Variants in PTPRG observed in about 807,000 individuals in gnomAD.
PTPRG encodes protein tyrosine phosphatase receptor type G, also known as receptor-type tyrosine-protein phosphatase gamma.
In PTPRG, 102 loss-of-function variants were observed where a neutral mutation model predicts 165.3. The observed-to-expected ratio is 0.62, with a 90% CI of 0.53 to 0.73. The LOEUF (loss-of-function observed/expected upper bound fraction) is 0.73, where lower values mean the gene tolerates loss of function less well. Among genes scored for constraint, PTPRG ranks in the 30% least tolerant of loss-of-function variants. PTPRG has a pLI of 0.00. For synonymous variants in PTPRG, 675 were observed against 669.5 expected (o/e 1.01, Z -0.13); for missense variants, 1,866 against 1,861.4 (o/e 1.00, Z -0.05).
At chr3:61,915,846 C>G (rs2038922951) in intron 2 of PTPRG, among the ~76,000 whole-genome samples, 1 of 152,168 alleles carries the variant, frequency 6.6e-6, no homozygotes, top group Non-Finnish European at 1.5e-5. Context: ...AACCTGAATA[C>G]TATAGGAAAT....
intron 8 of PTPRG, among the ~76,000 whole-genome samples, chr3:62,184,555 A>G (rs941845743): frequency 4.6e-5 from 7 of 152,184 alleles, no homozygotes; most frequent in African/African-American, 1.7e-4. Flanking sequence ...AGTCTAAGGC[A>G]AGGCTTGGGC....
intron 26 of PTPRG, among the ~76,000 whole-genome samples, chr3:62,279,486 C>G (rs1329255078): frequency 1.3e-5 from 2 of 152,058 alleles, no homozygotes; most frequent in African/African-American, 2.4e-5. Context: ...CTTTTCAGAT[C>G]TGGAAATTAA....
chr3:61,664,884 T>C (rs774821370), intron 1 of PTPRG, among the ~76,000 whole-genome samples: 4 of 152,126 alleles, frequency 2.6e-5, no homozygotes, highest in Non-Finnish European at 4.4e-5. Flanking sequence ...TAGGAAGATA[T>C]TGAGTAGTAG....
chr3:61,940,927 G>A (rs759107636), intron 2 of PTPRG, among the ~76,000 whole-genome samples: 1 of 151,980 alleles, frequency 6.6e-6, no homozygotes, highest in African/African-American at 2.4e-5. Context: ...GCCTCCCAAA[G>A]TGCTGCGTTA....
chr3:61,923,854 C>T (rs115912255), intron 2 of PTPRG, among the ~76,000 whole-genome samples: 2,442 of 151,834 alleles, frequency 0.016, 43 homozygotes, highest in South Asian at 0.084. Flanking sequence ...TTTTCTATCA[C>T]TATGCTATTA....
chr3:61,979,985 G>T (rs2040601743), intron 2 of PTPRG, among the ~76,000 whole-genome samples: 2 of 151,644 alleles, frequency 1.3e-5, no homozygotes, highest in African/African-American at 4.8e-5. Flanking sequence ...CAGACCCTCA[G>T]CCCTCCTAAA....
intron 14 of PTPRG, among the ~76,000 whole-genome samples, chr3:62,239,770 T>C (rs1701117789): frequency 1.3e-5 from 2 of 152,312 alleles, no homozygotes; most frequent in Admixed American, 1.3e-4. Flanking sequence ...ACTTGTGTTT[T>C]TCTTTTCCTT....
intron 17 of PTPRG, among the ~76,000 whole-genome samples, chr3:62,265,661 C>A (rs928112386): frequency 6.6e-6 from 1 of 151,990 alleles, no homozygotes; most frequent in Non-Finnish European, 1.5e-5. Context: ...AGGGGGAGAA[C>A]AAGGAAGAAA....
chr3:61,886,712 A>C (rs2038047828), intron 2 of PTPRG, among the ~76,000 whole-genome samples: 1 of 152,176 alleles, frequency 6.6e-6, no homozygotes, highest in East Asian at 1.9e-4. Flanking sequence ...ATGGCCCCAA[A>C]CTATTTTGAA....
chr3:61,752,794 A>AAAAAAAAAT lies in PTPRG; in HGVS notation c.190+3819_190+3820insATAAAAAAA, dbSNP rs1223985797. Reference sequence around the variant, plus strand: ...TAGAGCAAGACTGTCTCAAAAAAAAAAAAAAAAGAAAAAAAAAAAGAAAAT... The same window carrying AAAAAAAAAT: ...TAGAGCAAGACTGTCTCAAAAAAAAAAAAAAAAATAAAAAAAGAAAAAAAAAAAGAAAAT... On this transcript the variant is annotated intron_variant, in intron 2 of 29. Coordinates refer to ENST00000474889, the MANE Select transcript of PTPRG (RefSeq NM_002841.4). Among the ~76,000 whole-genome samples the AAAAAAAAAT allele has an allele frequency of 7.9e-3, 834 of 106,020 alleles. 36 individuals carry two copies. The highest frequency in any genetic ancestry group is 0.04 in the South Asian group (133 of 3,300). The allele number at this position is 106,020 out of a possible 152,430, so 69.6% of individuals were successfully genotyped here. A position where few individuals can be genotyped will look rare whatever the true frequency, so the allele number is the denominator to read the frequency against.
At chr3:61,590,357 A>G (rs951572192) in intron 1 of PTPRG, among the ~76,000 whole-genome samples, 2 of 152,058 alleles carry the variant, frequency 1.3e-5, no homozygotes, top group South Asian at 2.1e-4. Flanking sequence ...CCCCGTCTCT[A>G]TTAAAAAATA....
chr3:62,158,675 A>G (rs1373336734), intron 7 of PTPRG, among the ~76,000 whole-genome samples: 1 of 152,218 alleles, frequency 6.6e-6, no homozygotes, highest in Admixed American at 6.5e-5. Flanking sequence ...AGAAGAAGGT[A>G]GGGGCAGTAG....
At chr3:62,136,209 C>T (rs749809124) in intron 6 of PTPRG, among the ~76,000 whole-genome samples, 1 of 152,118 alleles carries the variant, frequency 6.6e-6, no homozygotes, top group Non-Finnish European at 1.5e-5. Context: ...CTCAGTACAC[C>T]ATGAAGCTAG....
At chr3:62,067,143 A>G (rs1420304485) in intron 4 of PTPRG, among the ~76,000 whole-genome samples, 2 of 152,084 alleles carry the variant, frequency 1.3e-5, no homozygotes, top group Non-Finnish European at 2.9e-5. Flanking sequence ...TGAAAGGGAA[A>G]GAAAAACAAA....
At chr3:61,817,043 A>G (rs1345208783) in intron 2 of PTPRG, among the ~76,000 whole-genome samples, 5 of 132,210 alleles carry the variant, frequency 3.8e-5, no homozygotes, top group African/African-American at 1.4e-4. Context: ...TATATAATAT[A>G]TAATATTATA....
chr3:62,114,144 C>T (rs1472813270), intron 5 of PTPRG, among the ~76,000 whole-genome samples: 2 of 152,086 alleles, frequency 1.3e-5, no homozygotes, highest in South Asian at 2.1e-4. Context: ...ACTAAAAATA[C>T]GAAACTTACC....
chr3:61,696,751 CT>C (rs1167763048), intron 1 of PTPRG, among the ~76,000 whole-genome samples: 1 of 152,178 alleles, frequency 6.6e-6, no homozygotes, highest in Admixed American at 6.5e-5. Flanking sequence ...CCTTTTCTGG[CT>C]TTAGCCAGTG....
At chr3:61,827,362 G>T (rs1253364187) in intron 2 of PTPRG, among the ~76,000 whole-genome samples, 1 of 152,166 alleles carries the variant, frequency 6.6e-6, no homozygotes, top group African/African-American at 2.4e-5. Flanking sequence ...TCGGAGAAGG[G>T]TTTCAATCTC....
chr3:62,071,577 C>T (rs1465164437), intron 4 of PTPRG, among the ~76,000 whole-genome samples: 1 of 152,252 alleles, frequency 6.6e-6, no homozygotes, highest in Admixed American at 6.5e-5. Context: ...ATAAAGTTAA[C>T]CTTGTCTCAT....
Sources: allele counts gnomAD v4.1 joint callset (sites outside exome capture counted in the v4.1 genomes callset), GRCh38; gene constraint gnomAD v4.1.1; transcripts MANE v1.5; gene names NCBI Gene and HGNC (gene_info 2026-07-23, HGNC 2026-07-21).